The following BID variants were observed in gnomAD, a reference collection of about 807,000 sequenced individuals.
BID encodes BH3-interacting domain death agonist.
In BID, 19 loss-of-function variants were observed where a neutral mutation model predicts 17.4. The observed-to-expected ratio is 1.09, with a 90% CI of 0.76 to 1.60. BID has a LOEUF of 1.60. Among genes scored for constraint, BID ranks in the 40% most tolerant of loss-of-function variants. BID has a pLI of 0.00. For synonymous variants in BID, 108 were observed against 102.8 expected (o/e 1.05, Z -0.31); for missense variants, 226 against 256.0 (o/e 0.88, Z 0.80).
intron 3 of BID, among the ~76,000 whole-genome samples, chr22:17,742,638 A>G (rs942062892): frequency 2.6e-5 from 4 of 152,132 alleles, no homozygotes; most frequent in African/African-American, 9.7e-5. Flanking sequence ...GGCCTGGACC[A>G]GGGTCCGGGG....
intron 2 of BID, 82 bp downstream of exon 2, chr22:17,750,023 G>A: frequency 7.2e-7 from 1 of 1,381,104 alleles, no homozygotes; most frequent in South Asian, 1.2e-5. Context: ...CAGCCCTCAG[G>A]GATGCGTGGT....
At chr22:17,755,279 G>A (rs982660247) in intron 1 of BID, among the ~76,000 whole-genome samples, 3 of 151,916 alleles carry the variant, frequency 2.0e-5, no homozygotes, top group Non-Finnish European at 2.9e-5. Flanking sequence ...CTCTAGGAAC[G>A]TCGATCCACC....
At chr22:17,756,444 TTTCTTTCTTTCTTTCTTTC>T (rs1569047696) in intron 1 of BID, among the ~76,000 whole-genome samples, 4 of 117,378 alleles carry the variant, frequency 3.4e-5, no homozygotes, top group African/African-American at 1.7e-4. Context: ...TCTTTCTTTC[TTTCTTTCTTTCTTTCTTTC>T]TTTCTTTCTT....
intron 1 of BID, among the ~76,000 whole-genome samples, chr22:17,763,019 G>A (rs2061652159): frequency 6.6e-6 from 1 of 151,844 alleles, no homozygotes; most frequent in African/African-American, 2.4e-5. Context: ...TGGGACTACA[G>A]GCATGCACCA....
chr22:17,760,018 C>T (rs1310491804), intron 1 of BID, among the ~76,000 whole-genome samples: 1 of 151,112 alleles, frequency 6.6e-6, no homozygotes, highest in East Asian at 2.0e-4. Flanking sequence ...CCTGTAGTCC[C>T]AGCTACTCAG....
intron 1 of BID, among the ~76,000 whole-genome samples, chr22:17,761,191 T>G (rs934517596): frequency 6.6e-5 from 10 of 152,090 alleles, no homozygotes; most frequent in African/African-American, 2.4e-4. Context: ...TCAGGGACAG[T>G]TTTAGAGGCA....
chr22:17,770,118 C>T (rs953947798), intron 1 of BID, among the ~76,000 whole-genome samples: 16 of 152,126 alleles, frequency 1.1e-4, no homozygotes, highest in African/African-American at 3.9e-4. Context: ...TCCTGTTCTC[C>T]TGCTGTCCCC....
chr22:17,760,112 C>T (rs1318423151), intron 1 of BID, among the ~76,000 whole-genome samples: 75 of 109,788 alleles, frequency 6.8e-4, no homozygotes, highest in Middle Eastern at 0.017. Flanking sequence ...CCAGCCTGGG[C>T]GACAGAGTGA....
In BID at chr22:17,750,130, C is replaced by G; in HGVS notation, c.-14G>C. Reference sequence around the variant, plus strand: ...CTCACAGTCCATGGCCTGGGCAGCGCGGCAGCTCCGACTCACTCCTGGTTC... The same window carrying G: ...CTCACAGTCCATGGCCTGGGCAGCGGGGCAGCTCCGACTCACTCCTGGTTC... On this transcript the variant is annotated 5_prime_UTR_variant, in exon 2 of 6. Transcript: ENST00000622694. The G allele has an allele frequency of 6.2e-7, 1 of 1,613,336 alleles. No individual in the cohort carries two copies. Among genetic ancestry groups the G allele is most frequent in the Non-Finnish European group, 8.5e-7 (1 of 1,179,924 alleles).
At chr22:17,770,060 A>G (rs1186086679) in intron 1 of BID, among the ~76,000 whole-genome samples, 1 of 151,414 alleles carries the variant, frequency 6.6e-6, no homozygotes, top group African/African-American at 2.4e-5. Context: ...CCACCCCCAT[A>G]TGCTACCCCT....
intron 2 of BID, among the ~76,000 whole-genome samples, chr22:17,745,305 C>A (rs1275641517): frequency 1.3e-5 from 2 of 152,096 alleles, no homozygotes; most frequent in African/African-American, 4.8e-5. Context: ...CGCCCCCCAA[C>A]TCCCCCCAAC....
intron 3 of BID, chr22:17,740,278 T>C (rs2061450045): frequency 1.9e-6 from 2 of 1,036,186 alleles, no homozygotes; most frequent in Admixed American, 4.0e-5. Flanking sequence ...AGGTGCTCAA[T>C]AAACAATGGC....
At chr22:17,768,983 A>C (rs539683535) in intron 1 of BID, among the ~76,000 whole-genome samples, 1 of 152,178 alleles carries the variant, frequency 6.6e-6, no homozygotes, top group South Asian at 2.1e-4. Context: ...CGGAGCTTGC[A>C]GGGAGCAGAG....
At chr22:17,765,622 T>C (rs1206386700) in intron 1 of BID, among the ~76,000 whole-genome samples, 1 of 152,212 alleles carries the variant, frequency 6.6e-6, no homozygotes, top group African/African-American at 2.4e-5. Context: ...AGTAAACCCG[T>C]AGAAGTTTAG....
chr22:17,765,556 C>G, intron 1 of BID, among the ~76,000 whole-genome samples: 1 of 152,140 alleles, frequency 6.6e-6, no homozygotes, highest in Non-Finnish European at 1.5e-5. Context: ...TGAACACAAA[C>G]TTATATTTTT....
chr22:17,760,435 G>C (rs1348337968), intron 1 of BID, among the ~76,000 whole-genome samples: 7 of 109,550 alleles, frequency 6.4e-5, no homozygotes, highest in Non-Finnish European at 1.2e-4. Flanking sequence ...CTGGGTAACA[G>C]AGCAAGACTC....
chr22:17,749,950 G>A (rs2061524090), intron 2 of BID, among the ~76,000 whole-genome samples, 155 bp downstream of exon 2: 1 of 152,274 alleles, frequency 6.6e-6, no homozygotes, highest in South Asian at 2.1e-4. Flanking sequence ...GCCTGCTTCA[G>A]TGAAGGGGCT....
At chr22:17,768,822 G>A (rs1459303181) in intron 1 of BID, among the ~76,000 whole-genome samples, 2 of 148,534 alleles carry the variant, frequency 1.3e-5, no homozygotes, top group Non-Finnish European at 3.0e-5. Context: ...GCAGTGAGCC[G>A]AGATCGCGCC....
At position 17,743,922 on chromosome 22, in the gene BID, C is replaced by A. The variant is rs767379821; in HGVS notation, c.104G>T (p.Arg35Ile). The change falls in exon 3 of 6, where the codon AGA (arginine) becomes ATA (isoleucine). Residue 35 changes from arginine to isoleucine, a missense_variant. Physicochemically the swap from Arg to Ile is moderately conservative, Grantham distance 97. Coordinates refer to ENST00000622694, the MANE Select transcript of BID (RefSeq NM_001196.4). ...CTCGTGGCCCAGTGCGTCCAGCTCT[C>A]TGCGGAAGCTGTTGTCAGAACAGCT... Reference protein sequence around the residue: ...LQSCSDNSFRRELDALGHELP... With the variant: ...LQSCSDNSFRIELDALGHELP... 6.2e-7 allele frequency: 1 copy of A among 1,613,872 alleles called. No individual in the cohort carries two copies. Among genetic ancestry groups the A allele is most frequent in the Admixed American group, 1.7e-5 (1 of 60,026 alleles).
Sources: allele counts gnomAD v4.1 joint callset (sites outside exome capture counted in the v4.1 genomes callset), GRCh38; gene constraint gnomAD v4.1.1; transcripts MANE v1.5; gene names NCBI Gene and HGNC (gene_info 2026-07-23, HGNC 2026-07-21).